Variants in RNF2 observed in about 807,000 individuals in gnomAD.
The protein encoded by RNF2 is E3 ubiquitin-protein ligase RING2.
In RNF2, 6 loss-of-function variants were observed where a neutral mutation model predicts 37.2. The observed-to-expected ratio is 0.16, with a 90% CI of 0.09 to 0.32. The LOEUF (loss-of-function observed/expected upper bound fraction) is 0.32, where lower values mean the gene tolerates loss of function less well. Among genes scored for constraint, RNF2 ranks in the 10% least tolerant of loss-of-function variants. The probability of loss-of-function intolerance (pLI) is 1.00; values close to 1 mark genes in which losing one functional copy is unlikely to be tolerated. For missense variants in RNF2, 251 were observed against 404.0 expected, an observed-to-expected ratio of 0.62 and a Z score of 3.25; for synonymous variants, 133 against 132.7, an observed-to-expected ratio of 1.00 and a Z score of -0.02.
At chr1:185,070,355 A>G (rs1419562443) in intron 1 of RNF2, among the ~76,000 whole-genome samples, 3 of 152,204 alleles carry the variant, frequency 2.0e-5, no homozygotes, top group Admixed American at 6.5e-5. Context: ...AGTTCCAAAG[A>G]TCATTTACTG....
At chr1:185,061,822 C>T (rs1186510144) in intron 1 of RNF2, among the ~76,000 whole-genome samples, 2 of 152,174 alleles carry the variant, frequency 1.3e-5, no homozygotes, top group Non-Finnish European at 2.9e-5. Context: ...AAACATTTAG[C>T]ATGCTTTGAT....
Position 185,099,944 on chromosome 1 carries a change from A to G in RNF2, c.891A>G (p.Thr297=). Residue 297 remains threonine, a synonymous_variant, in exon 6 of 7, where the codon ACA becomes ACG. Coordinates refer to ENST00000367510, the MANE Select transcript of RNF2 (RefSeq NM_007212.4). ...SEKQYTIYIA[T]ASGQFTVLNG... The stretch of plus-strand genomic sequence containing the variant: ...AGCAGTATACCATTTATATAGCAAC[A>G]GCCAGTGGCCAGTTCACTGTGAGTA... 6.2e-7 allele frequency: 1 copy of G among 1,610,886 alleles called. No homozygotes were observed. Among genetic ancestry groups the G allele is most frequent in the Non-Finnish European group, 8.5e-7 (1 of 1,177,330 alleles).
At chr1:185,058,803 A>G (rs1344577134) in intron 1 of RNF2, among the ~76,000 whole-genome samples, 10 of 152,220 alleles carry the variant, frequency 6.6e-5, no homozygotes, top group Admixed American at 5.2e-4. Context: ...AGCTCTTTGC[A>G]ATATTTCCAG....
At chr1:185,097,331 G>A (rs1021249549) in intron 4 of RNF2, among the ~76,000 whole-genome samples, 9 of 152,120 alleles carry the variant, frequency 5.9e-5, no homozygotes, top group East Asian at 3.9e-4. Flanking sequence ...CTGACTTGGC[G>A]GAAGGTCAGC....
At chr1:185,055,778 AT>A (rs1459813790) in intron 1 of RNF2, among the ~76,000 whole-genome samples, 2 of 152,216 alleles carry the variant, frequency 1.3e-5, no homozygotes, top group Non-Finnish European at 2.9e-5. Context: ...GCTTTTAAAA[AT>A]ATACTTGGTA....
chr1:185,094,632 C>T (rs1651862440), intron 4 of RNF2, among the ~76,000 whole-genome samples: 2 of 152,178 alleles, frequency 1.3e-5, no homozygotes, highest in African/African-American at 2.4e-5. Context: ...ATTCTCAGCA[C>T]AGCAGCCAGA....
chr1:185,085,796 G>A (rs894905220), intron 1 of RNF2, among the ~76,000 whole-genome samples: 1 of 152,034 alleles, frequency 6.6e-6, no homozygotes, highest in Admixed American at 6.6e-5. Context: ...TGGGATTACA[G>A]ACGCGCACCA....
intron 4 of RNF2, among the ~76,000 whole-genome samples, chr1:185,095,175 G>C (rs1414596468): frequency 6.6e-6 from 1 of 152,158 alleles, no homozygotes; most frequent in African/African-American, 2.4e-5. Context: ...CTAAGCGTTG[G>C]AAGGACTTTA....
intron 1 of RNF2, among the ~76,000 whole-genome samples, chr1:185,060,253 C>G (rs550317896): frequency 6.6e-6 from 1 of 152,322 alleles, no homozygotes; most frequent in African/African-American, 2.4e-5. Flanking sequence ...TTGTGTTTCA[C>G]ATATCCCTCA....
chr1:185,063,693 G>T (rs963954398), intron 1 of RNF2, among the ~76,000 whole-genome samples: 2 of 152,156 alleles, frequency 1.3e-5, no homozygotes, highest in African/African-American at 4.8e-5. Flanking sequence ...TGAAATTAAG[G>T]TGTTGGAAGG....
At chr1:185,076,280 T>TG (rs1557967429) in intron 1 of RNF2, among the ~76,000 whole-genome samples, 26 of 42,858 alleles carry the variant, frequency 6.1e-4, no homozygotes, top group African/African-American at 2.6e-3. Flanking sequence ...TTTTTTTTTT[T>TG]TTTTTTTTTT....
Position 185,102,595 on chromosome 1 carries a change from T to A in RNF2, c.*2294T>A, listed in dbSNP as rs1652106437. ...TGCAATTAAAGTAATGCATTTCTCT[T>A]CTTCTTAACCCCTAGCAACCTCTAT... On this transcript the variant is annotated 3_prime_UTR_variant, in exon 7 of 7. Coordinates refer to ENST00000367510, the MANE Select transcript of RNF2 (RefSeq NM_007212.4). 1 of 152,236 alleles carries A rather than the reference T, an allele frequency of 6.6e-6. No homozygotes were observed. Among genetic ancestry groups the A allele is most frequent in the African/African-American group, 2.4e-5 (1 of 41,462 alleles). The allele number at this position is 152,236 out of a possible 1,614,324, so 9.4% of individuals were successfully genotyped here.
chr1:185,102,531 T>C lies in RNF2; in HGVS notation c.*2230T>C, dbSNP rs1229760816. The C allele has an allele frequency of 6.6e-6, 1 of 152,192 alleles. No homozygotes were observed. The highest frequency in any genetic ancestry group is 2.4e-5 in the African/African-American group (1 of 41,450). 9.4% of individuals were successfully genotyped at this position (152,192 alleles called of 1,614,324 possible). ...TTGTGTAATGATCACCGCTGTCTAC[T>C]TGTAAAACTTTTTCATCACCCCAAA... On this transcript the variant is annotated 3_prime_UTR_variant, in exon 7 of 7. Coordinates refer to ENST00000367510, the MANE Select transcript of RNF2 (RefSeq NM_007212.4).
chr1:185,074,500 G>A (rs1651085943), intron 1 of RNF2, among the ~76,000 whole-genome samples: 1 of 151,912 alleles, frequency 6.6e-6, no homozygotes, highest in Non-Finnish European at 1.5e-5. Flanking sequence ...GGTTGAAAGG[G>A]GCTTACTATG....
At chr1:185,050,570 T>C (rs1650243566) in intron 1 of RNF2, among the ~76,000 whole-genome samples, 1 of 152,234 alleles carries the variant, frequency 6.6e-6, no homozygotes, top group Admixed American at 6.5e-5. Flanking sequence ...ACTGTGCACA[T>C]AGATACTTGA....
In RNF2 at chr1:185,102,527, C is replaced by G. The variant is rs545024324; in HGVS notation, c.*2226C>G. 1 of 152,240 alleles carries G rather than the reference C, an allele frequency of 6.6e-6. No individual in the cohort carries two copies. Among genetic ancestry groups the G allele is most frequent in the South Asian group, 2.1e-4 (1 of 4,826 alleles). 9.4% of individuals were successfully genotyped at this position (152,240 alleles called of 1,614,324 possible). ...AATGTTGTGTAATGATCACCGCTGT[C>G]TACTTGTAAAACTTTTTCATCACCC... On this transcript the variant is annotated 3_prime_UTR_variant, in exon 7 of 7. Coordinates refer to ENST00000367510, the MANE Select transcript of RNF2 (RefSeq NM_007212.4).
At chr1:185,067,700 A>C (rs1057391470) in intron 1 of RNF2, among the ~76,000 whole-genome samples, 9 of 150,444 alleles carry the variant, frequency 6.0e-5, no homozygotes, top group African/African-American at 2.2e-4. Flanking sequence ...AAGTAATTTA[A>C]AAGTATCCTT....
intron 1 of RNF2, among the ~76,000 whole-genome samples, chr1:185,048,765 G>C (rs1180973316): frequency 6.6e-6 from 1 of 151,228 alleles, no homozygotes; most frequent in Non-Finnish European, 1.5e-5. Context: ...ATCACATGTA[G>C]TAAAAAAAAA....
Position 185,077,625 on chromosome 1 carries a change from G to GTTTTTTTTTTTTGTTT in RNF2, c.-2-9915_-2-9914insGTTTTTTTTTTTTTTT, listed in dbSNP as rs59351560. On this transcript the variant is annotated intron_variant, in intron 1 of 6. Transcript: ENST00000367510. ...TTTTTAATTGTTAGGAATTAACTTT[G>GTTTTTTTTTTTTGTTT]TTTTTTTTTTTTTGGCTAGAAATTT... Among the ~76,000 whole-genome samples the GTTTTTTTTTTTTGTTT allele has an allele frequency of 6.8e-3, 782 of 115,582 alleles. 25 individuals carry two copies. The highest frequency in any genetic ancestry group is 0.024 in the African/African-American group (727 of 30,412). The allele number at this position is 115,582 out of a possible 152,430, so 75.8% of individuals were successfully genotyped here.
Sources: allele counts gnomAD v4.1 joint callset (sites outside exome capture counted in the v4.1 genomes callset), GRCh38; gene constraint gnomAD v4.1.1; transcripts MANE v1.5; gene names NCBI Gene and HGNC (gene_info 2026-07-23, HGNC 2026-07-21).